The following FAM3D variants were observed in gnomAD, a reference collection of about 807,000 sequenced individuals.
The protein encoded by FAM3D is FAM3 metabolism regulating signaling molecule D.
A neutral mutation model predicts 29.8 loss-of-function variants in FAM3D; 26 were observed. The observed-to-expected ratio is 0.87, with a 90% CI of 0.64 to 1.21. FAM3D has a LOEUF of 1.21. FAM3D is among the 50% of genes most tolerant of loss of function. The probability of loss-of-function intolerance (pLI) is 0.00; values close to 1 mark genes in which losing one functional copy is unlikely to be tolerated. For missense variants in FAM3D, 253 were observed against 290.9 expected, an observed-to-expected ratio of 0.87 and a Z score of 0.95; for synonymous variants, 115 against 102.3, an observed-to-expected ratio of 1.12 and a Z score of -0.75.
chr3:58,647,419 G>A (rs1262788046), intron 4 of FAM3D, among the ~76,000 whole-genome samples: 1 of 152,190 alleles, frequency 6.6e-6, no homozygotes, highest in Admixed American at 6.5e-5. Flanking sequence ...GGAAGCCAGG[G>A]CATGGCTCCT....
At chr3:58,652,926 A>C (rs1251387967) in intron 3 of FAM3D, among the ~76,000 whole-genome samples, 1 of 145,776 alleles carries the variant, frequency 6.9e-6, no homozygotes, top group Admixed American at 6.9e-5. Flanking sequence ...CCATCTACTC[A>C]TCCTTCCAAC....
intron 7 of FAM3D, among the ~76,000 whole-genome samples, chr3:58,639,926 G>A (rs899152723): frequency 3.3e-5 from 5 of 152,128 alleles, no homozygotes; most frequent in African/African-American, 1.2e-4. Context: ...ATCTGAGTCT[G>A]GGAGATCCCA....
rs781782505 is a variant in FAM3D, at chr3:58,636,244, C to T, written c.585+50G>A. The T allele has an allele frequency of 2.5e-6, 4 of 1,589,716 alleles. No homozygotes were observed. In the South Asian group the frequency reaches 4.5e-5, roughly 18 times the overall value. ...ATGGGTGACTCCTTCCTACCACCACCCAGCTCCTCATGCATCCTTCATAGG... is the reference window on the plus strand; with the variant it reads ...ATGGGTGACTCCTTCCTACCACCACTCAGCTCCTCATGCATCCTTCATAGG... On this transcript the variant is annotated intron_variant, in intron 9 of 9. Coordinates refer to ENST00000358781, the MANE Select transcript of FAM3D (RefSeq NM_138805.3).
At chr3:58,645,454 A>G in intron 5 of FAM3D, 55 bp downstream of exon 5, 1 of 1,353,322 alleles carries the variant, frequency 7.4e-7, no homozygotes, top group African/African-American at 1.5e-5. Flanking sequence ...TTAATGAATG[A>G]ATGAAATAAA....
intron 1 of FAM3D, among the ~76,000 whole-genome samples, chr3:58,660,110 A>G (rs538534563): frequency 6.6e-6 from 1 of 152,348 alleles, no homozygotes; most frequent in Admixed American, 6.5e-5. Context: ...GACAGGGCTG[A>G]GGGAGACAGA....
At chr3:58,643,754 T>A (rs771262557) in intron 5 of FAM3D, 34 bp from the exon 6 acceptor site, 3 of 1,601,530 alleles carry the variant, frequency 1.9e-6, no homozygotes, top group Non-Finnish European at 2.6e-6. Flanking sequence ...TGACAGTCGG[T>A]CCCGAGTGTG....
At chr3:58,643,520 G>T in intron 6 of FAM3D, 142 bp downstream of exon 6, 1 of 903,976 alleles carries the variant, frequency 1.1e-6, no homozygotes, top group Non-Finnish European at 1.8e-6. Context: ...CCCCAGGCCA[G>T]CCACGCTTCC....
chr3:58,664,522 A>G (rs143955151), intron 1 of FAM3D, among the ~76,000 whole-genome samples: 141 of 152,378 alleles, frequency 9.3e-4, no homozygotes, highest in African/African-American at 3.3e-3. Context: ...GGCAAGCATC[A>G]TGGTAGATGC....
chr3:58,661,394 T>C (rs962161888), intron 1 of FAM3D, among the ~76,000 whole-genome samples: 2 of 152,206 alleles, frequency 1.3e-5, no homozygotes, highest in African/African-American at 2.4e-5. Context: ...GGTGGCTCCA[T>C]GAGCTCTGCT....
At chr3:58,637,309 A>C in intron 7 of FAM3D, 84 bp from the exon 8 acceptor site, 3 of 1,304,188 alleles carry the variant, frequency 2.3e-6, no homozygotes, top group South Asian at 2.6e-5. Flanking sequence ...CCCATGATGC[A>C]GGAGTCAGCT....
chr3:58,657,757 C>G (rs941054708), intron 1 of FAM3D: 2 of 152,386 alleles, frequency 1.3e-5, no homozygotes, highest in African/African-American at 4.8e-5. Context: ...GGAGCTGGGG[C>G]CCAGGACTGG....
At position 58,637,230 on chromosome 3, in the gene FAM3D, G is replaced by A. The variant is rs199506899; in HGVS notation, c.374-5C>T. Reference sequence around the variant, plus strand: ...ATTTCACTAGGTGCATAACATCTGGGGGAGGAAGGAAAAGGTGCTGGTGAT... The same window carrying A: ...ATTTCACTAGGTGCATAACATCTGGAGGAGGAAGGAAAAGGTGCTGGTGAT... On this transcript the variant is annotated splice_polypyrimidine_tract_variant and splice_region_variant and intron_variant, in intron 7 of 9. Transcript: ENST00000358781. 2 of 1,610,136 alleles carry A rather than the reference G, an allele frequency of 1.2e-6. No individual in the cohort carries two copies. The highest frequency in any genetic ancestry group is 2.2e-5 in the East Asian group (1 of 44,846).
intron 2 of FAM3D, among the ~76,000 whole-genome samples, chr3:58,655,328 C>G (rs2066762129): frequency 6.6e-6 from 1 of 152,310 alleles, no homozygotes; most frequent in East Asian, 1.9e-4. Context: ...TGGGCAGTCT[C>G]AATGATCCCA....
At chr3:58,652,131 A>G (rs1304815110) in intron 3 of FAM3D, among the ~76,000 whole-genome samples, 5 of 152,224 alleles carry the variant, frequency 3.3e-5, no homozygotes, top group East Asian at 1.9e-4. Context: ...TTGATCAGAA[A>G]GGATATGAAT....
rs190278706 is a variant in FAM3D at position 58,640,107 on chromosome 3, G to A, written c.373+20C>T. 22 of 1,613,926 alleles carry A rather than the reference G, an allele frequency of 1.4e-5. 1 individual carries two copies. The Middle Eastern group carries it at 8.3e-4, about 61-fold the overall frequency. The stretch of plus-strand genomic sequence containing the variant: ...CACCGCACCCCCGACTGTGACTTCA[G>A]TGTCAGCAGAGGCACCTACCTCCAG... On this transcript the variant is annotated intron_variant, in intron 7 of 9. Transcript: ENST00000358781.
chr3:58,644,152 T>C (rs1476252235), intron 5 of FAM3D, among the ~76,000 whole-genome samples: 1 of 152,138 alleles, frequency 6.6e-6, no homozygotes, highest in Non-Finnish European at 1.5e-5. Context: ...GAATTGTCTT[T>C]CTCCACGAAC....
intron 7 of FAM3D, among the ~76,000 whole-genome samples, chr3:58,637,602 C>T (rs898330740): frequency 6.6e-6 from 1 of 152,150 alleles, no homozygotes; most frequent in Non-Finnish European, 1.5e-5. Context: ...TTGCATACCC[C>T]AGACCCCATT....
intron 1 of FAM3D, among the ~76,000 whole-genome samples, chr3:58,662,640 T>C (rs542358881): frequency 6.6e-5 from 10 of 152,214 alleles, no homozygotes; most frequent in Non-Finnish European, 1.0e-4. Flanking sequence ...GTGACTTTGC[T>C]AACAGTAGTG....
At chr3:58,653,495 C>T (rs2066704849) in intron 3 of FAM3D, among the ~76,000 whole-genome samples, 179 bp downstream of exon 3, 1 of 152,220 alleles carries the variant, frequency 6.6e-6, no homozygotes, top group Admixed American at 6.5e-5. Context: ...CCTCTGTTCC[C>T]CATGGACTCC....
Sources: gnomAD v4.1 joint callset for allele counts (sites outside exome capture counted in the v4.1 genomes callset) on GRCh38, gnomAD v4.1.1 for gene constraint, MANE v1.5 for transcripts, NCBI Gene and HGNC (gene_info 2026-07-23, HGNC 2026-07-21) for gene names.